RBFOX3: variants seen among roughly 807,000 people sequenced by gnomAD.
RBFOX3 encodes the protein RNA binding fox-1 homolog 3.
In RBFOX3, 17 loss-of-function variants were observed where a neutral mutation model predicts 48.7. The observed-to-expected ratio is 0.35, with a 90% CI of 0.24 to 0.52. RBFOX3 has a LOEUF of 0.52. Among genes scored for constraint, RBFOX3 ranks in the 20% least tolerant of loss-of-function variants. RBFOX3 has a pLI of 0.94. For missense variants in RBFOX3, 382 were observed against 497.5 expected, an observed-to-expected ratio of 0.77 and a Z score of 2.21; for synonymous variants, 212 against 209.5, an observed-to-expected ratio of 1.01 and a Z score of -0.10.
At chr17:79,246,262 G>A (rs767262702) in intron 3 of RBFOX3, among the ~76,000 whole-genome samples, 3 of 152,180 alleles carry the variant, frequency 2.0e-5, no homozygotes, top group African/African-American at 4.8e-5. Flanking sequence ...GTGTGCCTCC[G>A]GGAGAGCCAC....
chr17:79,344,825 G>A (rs1479648556), intron 2 of RBFOX3, among the ~76,000 whole-genome samples: 1 of 152,050 alleles, frequency 6.6e-6, no homozygotes, highest in Non-Finnish European at 1.5e-5. Flanking sequence ...CAAAGTGCTG[G>A]GATTACAGGC....
At chr17:79,097,173 T>TCCTC (rs1172864135) in intron 11 of RBFOX3, 119 bp downstream of exon 11, 12 of 665,426 alleles carry the variant, frequency 1.8e-5, no homozygotes, top group Non-Finnish European at 2.5e-5. Flanking sequence ...CCCACGATCC[T>TCCTC]CCCCCCCCCC....
chr17:79,121,819 T>C (rs893929784), intron 4 of RBFOX3, among the ~76,000 whole-genome samples: 3 of 152,182 alleles, frequency 2.0e-5, no homozygotes, highest in Non-Finnish European at 2.9e-5. Context: ...ATGCTGACTT[T>C]CTGAAGGTTT....
chr17:79,105,804 A>G (rs1257678073), intron 6 of RBFOX3, among the ~76,000 whole-genome samples: 1 of 152,078 alleles, frequency 6.6e-6, no homozygotes, highest in Non-Finnish European at 1.5e-5. Flanking sequence ...GCGGAAGAGA[A>G]GTTTGGAGGG....
At chr17:79,425,971 C>T (rs566700184) in intron 2 of RBFOX3, among the ~76,000 whole-genome samples, 258 of 152,162 alleles carry the variant, frequency 1.7e-3, no homozygotes, top group African/African-American at 6.0e-3. Flanking sequence ...AAGACAGACG[C>T]GGTGACCAGT....
intron 2 of RBFOX3, among the ~76,000 whole-genome samples, chr17:79,425,032 C>T (rs2067111488): frequency 6.6e-6 from 1 of 152,150 alleles, no homozygotes; most frequent in Admixed American, 6.5e-5. Flanking sequence ...CCCTGCTAAC[C>T]CCTCCACAAG....
At chr17:79,624,098 G>C in the RBFOX3 span, among the ~76,000 whole-genome samples, 3 of 152,210 alleles carry the variant, frequency 2.0e-5, no homozygotes, top group Admixed American at 2.0e-4. Flanking sequence ...CTGACCTCCA[G>C]AACGGCAAGA....
chr17:79,311,587 T>C lies in RBFOX3; in HGVS notation c.-174-3763A>G, dbSNP rs1598206733. Among the ~76,000 whole-genome samples the C allele has an allele frequency of 1.3e-5, 2 of 152,230 alleles. No homozygotes were observed. Among genetic ancestry groups the C allele is most frequent in the South Asian group, 4.2e-4 (2 of 4,812 alleles). On this transcript the variant is annotated intron_variant, in intron 2 of 14. Transcript: ENST00000693108. The surrounding 1 kb of genome is among the most constrained non-coding windows in gnomAD (Gnocchi z 4.2). ...TCTGTCCTATCTGTCAATCAATCAA[T>C]AATCAATCAATCAATCATCTACCTA...
intron 3 of RBFOX3, among the ~76,000 whole-genome samples, chr17:79,281,478 G>A (rs2070485515): frequency 6.6e-6 from 1 of 151,868 alleles, no homozygotes; most frequent in Non-Finnish European, 1.5e-5. Context: ...CCTTGGGGCT[G>A]GAAGGAGCCA....
chr17:79,476,301 G>T (rs1302522905), intron 2 of RBFOX3, among the ~76,000 whole-genome samples: 1 of 152,208 alleles, frequency 6.6e-6, no homozygotes, highest in African/African-American at 2.4e-5. Context: ...TCTGCGACCC[G>T]CCCAGTCTCC....
At position 79,364,637 on chromosome 17, in the gene RBFOX3, G is replaced by A. The variant is rs1053896568; in HGVS notation, c.-174-56813C>T. ...GGTGTGCTGGTGGGTGACGGGGAGC[G>A]GGCGTGAGCAGGTCGGATAGCCTGC... On this transcript the variant is annotated intron_variant, in intron 2 of 14. Transcript: ENST00000693108. The surrounding 1 kb of genome is among the most constrained non-coding windows in gnomAD (Gnocchi z 5.1). 5.3e-5 allele frequency among the ~76,000 whole-genome samples: 8 copies of A among 152,206 alleles called. No homozygotes were observed. The highest frequency in any genetic ancestry group is 1.9e-4 in the East Asian group (1 of 5,188).
chr17:79,663,902 G>A, the RBFOX3 span, among the ~76,000 whole-genome samples: 10 of 152,274 alleles, frequency 6.6e-5, no homozygotes, highest in African/African-American at 1.7e-4. Flanking sequence ...CCCAATCTTC[G>A]TGTTGAGTAT....
At chr17:79,647,798 C>A in the RBFOX3 span, among the ~76,000 whole-genome samples, 1 of 152,182 alleles carries the variant, frequency 6.6e-6, no homozygotes, top group African/African-American at 2.4e-5. Context: ...TCCAATGGCC[C>A]GGGTCACCCT....
At position 79,205,957 on chromosome 17, in the gene RBFOX3, C is replaced by T. The variant is rs2057424943; in HGVS notation, c.-34+29809G>A. Among the ~76,000 whole-genome samples the T allele has an allele frequency of 6.6e-6, 1 of 151,872 alleles. No individual in the cohort carries two copies. The highest frequency in any genetic ancestry group is 2.1e-4 in the South Asian group (1 of 4,812). On this transcript the variant is annotated intron_variant, in intron 4 of 14. Coordinates refer to ENST00000693108, the MANE Select transcript of RBFOX3 (RefSeq NM_001350451.2). The surrounding 1 kb of genome is among the most constrained non-coding windows in gnomAD (Gnocchi z 4.5). ...TTGCTCTTTTCCACAATATAGTCTG[C>T]AGGGACCTTGGCCGTTGTGACATTC...
At chr17:79,267,666 C>T (rs1425650609) in intron 3 of RBFOX3, among the ~76,000 whole-genome samples, 1 of 152,106 alleles carries the variant, frequency 6.6e-6, no homozygotes, top group African/African-American at 2.4e-5. Flanking sequence ...GCTGGGATTA[C>T]AGGTGTGAGC....
chr17:79,092,985 CCTCGCACCCCAGCAG>C (rs1426532165), intron 14 of RBFOX3, among the ~76,000 whole-genome samples: 25 of 152,138 alleles, frequency 1.6e-4, no homozygotes, highest in African/African-American at 5.8e-4. Flanking sequence ...AGCCCCACCT[CCTCGCACCCCAGCAG>C]GGTGGCACGG....
chr17:79,096,024 G>A (rs2075160542), intron 12 of RBFOX3, among the ~76,000 whole-genome samples: 1 of 152,162 alleles, frequency 6.6e-6, no homozygotes, highest in African/African-American at 2.4e-5. Context: ...ATAGTGTCCT[G>A]GACACCAGGA....
chr17:79,277,614 A>C (rs2069217563), intron 3 of RBFOX3, among the ~76,000 whole-genome samples: 1 of 152,236 alleles, frequency 6.6e-6, no homozygotes, highest in African/African-American at 2.4e-5. Flanking sequence ...AAACCTCCCC[A>C]GGCTCACTGC....
intron 4 of RBFOX3, among the ~76,000 whole-genome samples, chr17:79,230,841 A>C (rs1253531117): frequency 6.6e-6 from 1 of 152,158 alleles, no homozygotes. Context: ...GGTTTGTTCC[A>C]GCAGCCGGGC....
Sources: allele counts gnomAD v4.1 joint callset (sites outside exome capture counted in the v4.1 genomes callset), GRCh38; gene constraint gnomAD v4.1.1; non-coding constraint Gnocchi (gnomAD v3.1); transcripts MANE v1.5; gene names NCBI Gene and HGNC (gene_info 2026-07-23, HGNC 2026-07-21).